FRMD3: variants seen among roughly 807,000 people sequenced by gnomAD.
FRMD3 encodes the protein FERM domain-containing protein 3.
FRMD3 carries 33 observed loss-of-function variants against 70.2 expected under a neutral mutation model. The ratio of observed to expected loss-of-function variants is 0.47; its 90% CI spans 0.36 to 0.63. The LOEUF (loss-of-function observed/expected upper bound fraction) is 0.63, where lower values mean the gene tolerates loss of function less well. FRMD3 is among the 20% of genes least tolerant of loss of function. The pLI is 0.00. For synonymous variants in FRMD3, 279 were observed against 255.9 expected (o/e 1.09, Z -0.86); for missense variants, 632 against 711.4 (o/e 0.89, Z 1.27).
downstream of FRMD3, chr9:83,243,056 G>A (rs7030534): frequency 6.7e-6 from 5 of 743,552 alleles, no homozygotes; most frequent in South Asian, 6.5e-5. Flanking sequence ...CCTAAGCAAG[G>A]TTCCTTTCTT....
At chr9:83,422,746 C>T (rs755459086) in intron 1 of FRMD3, among the ~76,000 whole-genome samples, 6 of 152,158 alleles carry the variant, frequency 3.9e-5, no homozygotes, top group Non-Finnish European at 8.8e-5. Context: ...CACCAGGGAA[C>T]AGCTGGGAAG....
chr9:83,345,894 A>G (rs1359754662), intron 4 of FRMD3, among the ~76,000 whole-genome samples: 1 of 152,204 alleles, frequency 6.6e-6, no homozygotes, highest in Non-Finnish European at 1.5e-5. Context: ...ACCCAATGAA[A>G]TCAGAATCTA....
intron 13 of FRMD3, among the ~76,000 whole-genome samples, chr9:83,257,101 G>A (rs1333554327): frequency 6.6e-6 from 1 of 152,122 alleles, no homozygotes; most frequent in African/African-American, 2.4e-5. Context: ...ATTCATAATA[G>A]CAAAGACATG....
intron 6 of FRMD3, 141 bp downstream of exon 6, chr9:83,335,373 GCC>G: frequency 1.3e-6 from 1 of 760,846 alleles, no homozygotes; most frequent in Non-Finnish European, 2.1e-6. Flanking sequence ...CCTTGACAGT[GCC>G]CAGAAAAATT....
chr9:83,325,085 C>G (rs938739821), intron 6 of FRMD3, among the ~76,000 whole-genome samples: 5 of 152,190 alleles, frequency 3.3e-5, no homozygotes, highest in African/African-American at 1.2e-4. Flanking sequence ...ACTACATCTT[C>G]TCATTGATAA....
At chr9:83,523,086 T>C (rs1829612447) in intron 1 of FRMD3, among the ~76,000 whole-genome samples, 1 of 152,230 alleles carries the variant, frequency 6.6e-6, no homozygotes, top group South Asian at 2.1e-4. Flanking sequence ...TGTCTTTTTG[T>C]ATCTCTGCTA....
Position 83,349,670 on chromosome 9 carries a change from A to C in FRMD3, c.374+9T>G. On this transcript the variant is annotated intron_variant, in intron 4 of 13. Transcript: ENST00000304195. ...GTGCACGTTAAACATACAAACAAAC[A>C]AAAAATACCTTGTGAGCTCTTCTTT... The C allele has an allele frequency of 2.5e-6, 4 of 1,601,232 alleles. No individual in the cohort carries two copies. Among genetic ancestry groups the C allele is most frequent in the Non-Finnish European group, 3.4e-6 (4 of 1,170,324 alleles).
chr9:83,536,115 G>A (rs1326754009), intron 1 of FRMD3, among the ~76,000 whole-genome samples: 1 of 151,948 alleles, frequency 6.6e-6, no homozygotes, highest in Non-Finnish European at 1.5e-5. Context: ...GGGCAGAAAG[G>A]GCAGAAAAAG....
intron 1 of FRMD3, among the ~76,000 whole-genome samples, chr9:83,444,002 C>A (rs1432939304): frequency 2.0e-5 from 3 of 152,208 alleles, no homozygotes; most frequent in Non-Finnish European, 4.4e-5. Context: ...TCAGTCACTA[C>A]AATTATATTT....
chr9:83,545,569 G>T, the FRMD3 span, among the ~76,000 whole-genome samples: 3 of 152,016 alleles, frequency 2.0e-5, no homozygotes, highest in African/African-American at 7.2e-5. Context: ...GTGTTAGCCA[G>T]GATGGTCTTG....
At chr9:83,314,066 C>T (rs946756366) in intron 6 of FRMD3, among the ~76,000 whole-genome samples, 3 of 152,146 alleles carry the variant, frequency 2.0e-5, no homozygotes, top group Non-Finnish European at 4.4e-5. Context: ...CGAAATAAAA[C>T]TAATCATCTG....
At chr9:83,584,898 C>A in the FRMD3 span, among the ~76,000 whole-genome samples, 4 of 152,270 alleles carry the variant, frequency 2.6e-5, no homozygotes, top group East Asian at 7.7e-4. Flanking sequence ...TAATAGACTT[C>A]TATTATTGAA....
At chr9:83,290,933 T>C (rs1834394633) in intron 12 of FRMD3, among the ~76,000 whole-genome samples, 1 of 152,170 alleles carries the variant, frequency 6.6e-6, no homozygotes, top group South Asian at 2.1e-4. Context: ...CCCTATGTTC[T>C]ACTGCAACTC....
At chr9:83,548,253 C>T in the FRMD3 span, among the ~76,000 whole-genome samples, 1 of 152,114 alleles carries the variant, frequency 6.6e-6, no homozygotes, top group South Asian at 2.1e-4. Flanking sequence ...ACATTTTTGT[C>T]CATACAAAAA....
At chr9:83,549,508 C>A in the FRMD3 span, among the ~76,000 whole-genome samples, 30 of 152,160 alleles carry the variant, frequency 2.0e-4, 2 homozygotes, top group East Asian at 5.0e-3. Flanking sequence ...GCTTTTAGCT[C>A]TTTGAGGGAT....
At chr9:83,273,431 A>C (rs1833680293) in intron 13 of FRMD3, among the ~76,000 whole-genome samples, 2 of 151,136 alleles carry the variant, frequency 1.3e-5, no homozygotes, top group Non-Finnish European at 2.9e-5. Flanking sequence ...GCTTGAAGGC[A>C]GCATACTGGT....
intron 3 of FRMD3, among the ~76,000 whole-genome samples, chr9:83,357,560 C>G (rs1824442492): frequency 6.6e-6 from 1 of 151,620 alleles, no homozygotes; most frequent in Non-Finnish European, 1.5e-5. Flanking sequence ...TAAAAGTGTT[C>G]CCTTTTCACC....
In FRMD3 at chr9:83,441,796, C is replaced by T. The variant is rs1046335343; in HGVS notation, c.148-52088G>A. ...ACGCCACCAGCTTTAGATGCCATGA[C>T]AGAAAGGGAGGTATGTTTTCTTCCT... On this transcript the variant is annotated intron_variant, in intron 1 of 13. Coordinates refer to ENST00000304195, the MANE Select transcript of FRMD3 (RefSeq NM_174938.6). 4.6e-5 allele frequency among the ~76,000 whole-genome samples: 7 copies of T among 152,126 alleles called. No individual in the cohort carries two copies. The South Asian group carries it at 8.3e-4, about 18-fold the overall frequency.
intron 8 of FRMD3, among the ~76,000 whole-genome samples, chr9:83,311,078 T>C (rs911176361): frequency 1.3e-5 from 2 of 152,174 alleles, no homozygotes; most frequent in South Asian, 2.1e-4. Flanking sequence ...AATAGAAACA[T>C]GTGACCCAAT....
Sources: allele counts gnomAD v4.1 joint callset (sites outside exome capture counted in the v4.1 genomes callset), GRCh38; gene constraint gnomAD v4.1.1; transcripts MANE v1.5; gene names NCBI Gene and HGNC (gene_info 2026-07-23, HGNC 2026-07-21).